Variants in COL5A2 observed in about 807,000 individuals in gnomAD.
The protein encoded by COL5A2 is collagen type V alpha 2 chain.
Under a neutral mutation model 208.2 loss-of-function variants are expected in COL5A2, and 23 were observed. The ratio of observed to expected loss-of-function variants is 0.11; its 90% CI spans 0.08 to 0.16. COL5A2 has a LOEUF of 0.16. Among genes scored for constraint, COL5A2 ranks in the 10% least tolerant of loss-of-function variants. The pLI, the probability that COL5A2 is intolerant of heterozygous loss-of-function variation, is 1.00. For synonymous variants in COL5A2, 625 were observed against 628.5 expected (o/e 0.99, Z 0.08); for missense variants, 1,590 against 1,956.4 (o/e 0.81, Z 3.53).
the COL5A2 span, among the ~76,000 whole-genome samples, chr2:189,283,555 A>G: frequency 6.6e-6 from 1 of 152,134 alleles, no homozygotes; most frequent in Non-Finnish European, 1.5e-5. Flanking sequence ...CACAGTCAAA[A>G]GGAACCTAAG....
chr2:189,114,776 C>T (rs72908343), intron 1 of COL5A2, among the ~76,000 whole-genome samples: 20,899 of 151,740 alleles, frequency 0.14, 1,454 homozygotes, highest in Middle Eastern at 0.2. Context: ...AGGTGATGGG[C>T]TGATGGGTGC....
intron 1 of COL5A2, among the ~76,000 whole-genome samples, chr2:189,152,590 T>G (rs1016944441): frequency 6.6e-6 from 1 of 152,214 alleles, no homozygotes; most frequent in Non-Finnish European, 1.5e-5. Context: ...TCTGTTATCC[T>G]GGCTCCTGTT....
chr2:189,320,542 G>C, the COL5A2 span, among the ~76,000 whole-genome samples: 5 of 152,152 alleles, frequency 3.3e-5, no homozygotes, highest in Non-Finnish European at 7.3e-5. Context: ...TAGCCGACTC[G>C]ATCAACTGGA....
At chr2:189,223,209 T>C (rs562522274) in intron 1 of COL5A2, among the ~76,000 whole-genome samples, 3 of 152,296 alleles carry the variant, frequency 2.0e-5, no homozygotes, top group African/African-American at 7.2e-5. Context: ...AATGAAGCCA[T>C]TATGGAAAAG....
intron 1 of COL5A2, among the ~76,000 whole-genome samples, chr2:189,142,396 C>G (rs1325444100): frequency 6.6e-6 from 1 of 151,880 alleles, no homozygotes; most frequent in African/African-American, 2.4e-5. Context: ...ATATCATTTA[C>G]CAATATTTAT....
At chr2:189,275,594 C>G in the COL5A2 span, among the ~76,000 whole-genome samples, 23 of 151,982 alleles carry the variant, frequency 1.5e-4, no homozygotes, top group East Asian at 4.1e-3. Flanking sequence ...GCTGGGATTA[C>G]AGGCACGCGC....
At chr2:189,336,127 A>C in the COL5A2 span, among the ~76,000 whole-genome samples, 1 of 152,200 alleles carries the variant, frequency 6.6e-6, no homozygotes, top group African/African-American at 2.4e-5. Flanking sequence ...AGGCCAATAA[A>C]CACATAAAAA....
At chr2:189,303,571 C>A in the COL5A2 span, among the ~76,000 whole-genome samples, 1 of 152,144 alleles carries the variant, frequency 6.6e-6, no homozygotes, top group African/African-American at 2.4e-5. Flanking sequence ...GAGAAGGACT[C>A]TGTACTTCTA....
the COL5A2 span, among the ~76,000 whole-genome samples, chr2:189,262,695 T>C: frequency 2.6e-5 from 4 of 152,086 alleles, no homozygotes; most frequent in African/African-American, 9.7e-5. Flanking sequence ...ATAAGAACAA[T>C]ATAATCTAAT....
At chr2:189,240,365 G>A in the COL5A2 span, among the ~76,000 whole-genome samples, 8 of 152,220 alleles carry the variant, frequency 5.3e-5, no homozygotes, top group Admixed American at 5.2e-4. Context: ...GAGAACACTT[G>A]TGTCTTTTAT....
rs375713414 is a variant in COL5A2 at position 189,068,305 on chromosome 2, T to C, written c.1258-35A>G. On this transcript the variant is annotated intron_variant, in intron 19 of 53. Transcript: ENST00000374866. ...ACATTAAAAGTATGTAATGAAATAT[T>C]AAGCAATATATAGATACAAATGTGC... is the stretch of plus-strand genomic sequence containing the variant. 1.8e-5 allele frequency: 27 copies of C among 1,524,234 alleles called. No homozygotes were observed. The African/African-American group carries it at 2.9e-4, about 16-fold the overall frequency. 94.4% of individuals were successfully genotyped at this position (1,524,234 alleles called of 1,614,324 possible). A position where few individuals can be genotyped will look rare whatever the true frequency, so the allele number is the denominator to read the frequency against.
Position 189,190,821 on chromosome 2 carries a change from T to C in COL5A2, c.-42+34327A>G, listed in dbSNP as rs565103547. Among the ~76,000 whole-genome samples, 9 of 152,338 alleles carry C rather than the reference T, an allele frequency of 5.9e-5. No homozygotes were observed. In the South Asian group the frequency reaches 1.9e-3, roughly 32 times the overall value. On this transcript the variant is annotated intron_variant, in intron 1 of 10. Transcript: ENST00000649966. ...TTGGTTTCAAAAGTTACATGATTTA[T>C]ATGCAAATCAATGTAATGCACATTT...
At chr2:189,076,682 T>A (rs1686412580) in intron 16 of COL5A2, among the ~76,000 whole-genome samples, 1 of 152,170 alleles carries the variant, frequency 6.6e-6, no homozygotes, top group African/African-American at 2.4e-5. Flanking sequence ...GCTCTTGGGA[T>A]GGCTGAATTC....
At chr2:189,286,847 A>G in the COL5A2 span, among the ~76,000 whole-genome samples, 1 of 152,236 alleles carries the variant, frequency 6.6e-6, no homozygotes, top group South Asian at 2.1e-4. Context: ...ATATTCTAAC[A>G]TAGGAAATAA....
At chr2:189,412,176 T>A in the COL5A2 span, among the ~76,000 whole-genome samples, 1 of 152,178 alleles carries the variant, frequency 6.6e-6, no homozygotes, top group Non-Finnish European at 1.5e-5. Context: ...TAGGTCCACA[T>A]TCTACAAGCA....
At chr2:189,074,361 C>T (rs530684927) in intron 17 of COL5A2, among the ~76,000 whole-genome samples, 2 of 152,102 alleles carry the variant, frequency 1.3e-5, no homozygotes, top group African/African-American at 2.4e-5. Flanking sequence ...TTCATAGTTA[C>T]AGAGGATTAC....
intron 4 of COL5A2, 24 bp from the exon 5 acceptor site, chr2:189,098,783 G>C (rs780196717): frequency 6.9e-6 from 11 of 1,600,342 alleles, no homozygotes; most frequent in Non-Finnish European, 9.4e-6. Context: ...AAGAAAATTT[G>C]TAAAGGTAAA....
chr2:189,175,368 T>A (rs1372925823), intron 1 of COL5A2, among the ~76,000 whole-genome samples: 1 of 151,864 alleles, frequency 6.6e-6, no homozygotes, highest in Non-Finnish European at 1.5e-5. Context: ...GTACACGCAA[T>A]GGCTGGAGCT....
chr2:189,273,131 T>C, the COL5A2 span, among the ~76,000 whole-genome samples: 1 of 152,166 alleles, frequency 6.6e-6, no homozygotes, highest in African/African-American at 2.4e-5. Flanking sequence ...GATAAAATCA[T>C]ATTTATATGA....
Sources: allele counts gnomAD v4.1 joint callset (sites outside exome capture counted in the v4.1 genomes callset), GRCh38; gene constraint gnomAD v4.1.1; transcripts MANE v1.5; gene names NCBI Gene and HGNC (gene_info 2026-07-23, HGNC 2026-07-21).